Variants in SORBS2 observed in about 807,000 individuals in gnomAD.
SORBS2 encodes sorbin and SH3 domain-containing protein 2.
Under a neutral mutation model 97.7 loss-of-function variants are expected in SORBS2, and 46 were observed. That is an observed-to-expected ratio of 0.47 (90% CI 0.37 to 0.60). The LOEUF is 0.60. Ranked by LOEUF, SORBS2 falls within the 20% of genes least tolerant of loss-of-function variation. The pLI is 0.00. For missense variants in SORBS2, 1,316 were observed against 1,282.3 expected (o/e 1.03, Z -0.40); for synonymous variants, 476 against 473.4 (o/e 1.01, Z -0.07).
intron 2 of SORBS2, among the ~76,000 whole-genome samples, chr4:185,711,048 C>A (rs2098416119): frequency 6.6e-6 from 1 of 152,154 alleles, no homozygotes; most frequent in Non-Finnish European, 1.5e-5. Flanking sequence ...TGGCTCACTG[C>A]AGCCTTGACT....
At chr4:185,601,537 C>T (rs1394120028) in intron 12 of SORBS2, among the ~76,000 whole-genome samples, 2 of 152,126 alleles carry the variant, frequency 1.3e-5, no homozygotes, top group African/African-American at 4.8e-5. Context: ...CTGATGACTG[C>T]GGGGCCACCA....
At chr4:185,917,541 A>C (rs1324430701) in intron 1 of SORBS2, among the ~76,000 whole-genome samples, 1 of 152,172 alleles carries the variant, frequency 6.6e-6, no homozygotes, top group Non-Finnish European at 1.5e-5. Flanking sequence ...AATATCCTTT[A>C]TAATAAAACA....
intron 2 of SORBS2, among the ~76,000 whole-genome samples, chr4:185,767,634 T>G (rs964169399): frequency 6.6e-5 from 10 of 151,912 alleles, no homozygotes; most frequent in African/African-American, 2.4e-4. Context: ...TACAGGTAAG[T>G]TTTACTTTCT....
At chr4:185,640,436 G>A (rs1230147909) in intron 4 of SORBS2, among the ~76,000 whole-genome samples, 2 of 151,972 alleles carry the variant, frequency 1.3e-5, no homozygotes, top group Non-Finnish European at 2.9e-5. Context: ...TGTTATTTTT[G>A]TAATAAATAA....
chr4:185,763,604 C>T (rs2098917167), intron 2 of SORBS2, among the ~76,000 whole-genome samples: 1 of 152,202 alleles, frequency 6.6e-6, no homozygotes, highest in Non-Finnish European at 1.5e-5. Context: ...TGTCTTATGT[C>T]AATTTAATTC....
At chr4:185,839,486 A>G (rs1227785665) in intron 1 of SORBS2, among the ~76,000 whole-genome samples, 1 of 152,138 alleles carries the variant, frequency 6.6e-6, no homozygotes, top group African/African-American at 2.4e-5. Context: ...TTTCTGCTGC[A>G]TTTACAACAT....
At chr4:185,777,068 C>G (rs538519905) in intron 1 of SORBS2, among the ~76,000 whole-genome samples, 1 of 152,188 alleles carries the variant, frequency 6.6e-6, no homozygotes, top group South Asian at 2.1e-4. Context: ...AAAAGGGTTA[C>G]ATGACTACTA....
intron 1 of SORBS2, among the ~76,000 whole-genome samples, chr4:185,907,135 T>C (rs935750445): frequency 9.3e-6 from 1 of 107,272 alleles, no homozygotes; most frequent in Non-Finnish European, 1.9e-5. Flanking sequence ...AACTCCATCA[T>C]AACAAAAAAA....
At chr4:185,792,061 G>A (rs2099082515) in intron 1 of SORBS2, among the ~76,000 whole-genome samples, 1 of 152,148 alleles carries the variant, frequency 6.6e-6, no homozygotes, top group Non-Finnish European at 1.5e-5. Flanking sequence ...TATATTCAGA[G>A]GGTTAAAAAT....
chr4:185,657,804 T>G (rs191686743), upstream of SORBS2, among the ~76,000 whole-genome samples: 1 of 152,320 alleles, frequency 6.6e-6, no homozygotes, highest in African/African-American at 2.4e-5. Flanking sequence ...CTCACCATTT[T>G]ATGAAGAAGG....
chr4:185,635,518 A>G (rs2096981482), intron 4 of SORBS2, 107 bp from the exon 16 acceptor site: 5 of 798,168 alleles, frequency 6.3e-6, no homozygotes, highest in Admixed American at 2.2e-5. Context: ...TTAGAAATTG[A>G]GTGTTGACAG....
At position 185,607,656 on chromosome 4, in the gene SORBS2, A is replaced by G. The variant is rs1372000031; in HGVS notation, c.2796+4124T>C. On this transcript the variant is annotated intron_variant, in intron 12 of 14. Coordinates refer to ENST00000418609, the Ensembl canonical transcript of SORBS2. This position sits in a 1 kb window ranked among gnomAD's most constrained non-coding sequence, Gnocchi z 5.2. The stretch of plus-strand genomic sequence containing the variant: ...AAGATGATATAGAGATTACCAGGAC[A>G]GTAAAACCTTGAGAGATTTATTTTT... Among the ~76,000 whole-genome samples the G allele has an allele frequency of 6.6e-6, 1 of 152,158 alleles. No individual in the cohort carries two copies. The highest frequency in any genetic ancestry group is 1.5e-5 in the Non-Finnish European group (1 of 68,028).
At chr4:185,744,148 C>G (rs1034029376) in intron 2 of SORBS2, among the ~76,000 whole-genome samples, 2 of 150,088 alleles carry the variant, frequency 1.3e-5, no homozygotes, top group African/African-American at 4.9e-5. Flanking sequence ...TCCTTCCCTT[C>G]TCTCTTTTTT....
chr4:185,762,611 G>T (rs556499157), intron 2 of SORBS2, among the ~76,000 whole-genome samples: 1 of 152,122 alleles, frequency 6.6e-6, no homozygotes, highest in Non-Finnish European at 1.5e-5. Flanking sequence ...ATGAAGATGC[G>T]AGAGTCAGCA....
At chr4:185,751,509 T>A (rs2098800163) in intron 2 of SORBS2, among the ~76,000 whole-genome samples, 1 of 152,048 alleles carries the variant, frequency 6.6e-6, no homozygotes, top group Admixed American at 6.5e-5. Context: ...CTGACCAAGC[T>A]TGATGAGGGC....
chr4:185,627,495 G>A (rs1208040795), intron 5 of SORBS2, among the ~76,000 whole-genome samples: 1 of 152,190 alleles, frequency 6.6e-6, no homozygotes, highest in Non-Finnish European at 1.5e-5. Flanking sequence ...TGGGATTACA[G>A]GCGTGAACCA....
chr4:185,690,789 T>G (rs1195897603), intron 2 of SORBS2, among the ~76,000 whole-genome samples, 178 bp from the exon 4 acceptor site: 2 of 152,244 alleles, frequency 1.3e-5, no homozygotes, highest in African/African-American at 4.8e-5. Flanking sequence ...TGTTAAACTT[T>G]AATTATTGGT....
chr4:185,911,920 G>A (rs1258375797), intron 1 of SORBS2, among the ~76,000 whole-genome samples: 1 of 152,208 alleles, frequency 6.6e-6, no homozygotes, highest in Non-Finnish European at 1.5e-5. Flanking sequence ...AGAGATGGCT[G>A]CAGGGCACAG....
chr4:185,829,827 C>G (rs2099204181), intron 1 of SORBS2, among the ~76,000 whole-genome samples: 1 of 152,102 alleles, frequency 6.6e-6, no homozygotes, highest in South Asian at 2.1e-4. Context: ...CTATACAACC[C>G]ATGGTTGCTA....
Sources: allele counts gnomAD v4.1 joint callset (sites outside exome capture counted in the v4.1 genomes callset), GRCh38; gene constraint gnomAD v4.1.1; non-coding constraint Gnocchi (gnomAD v3.1); transcripts MANE v1.5; gene names NCBI Gene and HGNC (gene_info 2026-07-23, HGNC 2026-07-21).